The following GRIP1 variants were observed in gnomAD, a reference collection of about 807,000 sequenced individuals.
The protein encoded by GRIP1 is glutamate receptor interacting protein 1.
Under a neutral mutation model 129.9 loss-of-function variants are expected in GRIP1, and 45 were observed. That is an observed-to-expected ratio of 0.35 (90% CI 0.27 to 0.44). The LOEUF is 0.44. Ranked by LOEUF, GRIP1 falls within the 20% of genes least tolerant of loss-of-function variation. GRIP1 has a pLI of 1.00. For synonymous variants in GRIP1, 530 were observed against 520.8 expected (o/e 1.02, Z -0.24); for missense variants, 1,196 against 1,396.8 (o/e 0.86, Z 2.29).
intron 1 of GRIP1, among the ~76,000 whole-genome samples, chr12:67,029,028 T>G (rs2042980838): frequency 6.6e-6 from 1 of 152,066 alleles, no homozygotes; most frequent in South Asian, 2.1e-4. Context: ...TTGATAGAGA[T>G]GAAGCTGAGG....
At chr12:66,746,084 T>TG (rs1321992741) in intron 1 of GRIP1, among the ~76,000 whole-genome samples, 7 of 152,120 alleles carry the variant, frequency 4.6e-5, no homozygotes, top group African/African-American at 1.7e-4. Flanking sequence ...ACAATACAAA[T>TG]TCTGCATTGG....
intron 6 of GRIP1, 139 bp downstream of exon 6, chr12:66,517,761 GA>G: frequency 1.5e-6 from 1 of 684,416 alleles, no homozygotes; most frequent in Non-Finnish European, 2.6e-6. Flanking sequence ...CCATAGTTCA[GA>G]CTCTCAATTT....
intron 1 of GRIP1, among the ~76,000 whole-genome samples, chr12:66,728,627 G>T (rs527436217): frequency 6.6e-6 from 1 of 152,226 alleles, no homozygotes; most frequent in African/African-American, 2.4e-5. Context: ...AAGAAACTGA[G>T]AATTATTTTA....
chr12:66,472,006 G>C (rs1250164737), intron 7 of GRIP1, among the ~76,000 whole-genome samples: 7 of 152,186 alleles, frequency 4.6e-5, no homozygotes, highest in Admixed American at 3.9e-4. Flanking sequence ...ATTCAAGGAA[G>C]TCCCCTGTGA....
At chr12:66,796,961 C>CAT (rs2136891483) in intron 1 of GRIP1, among the ~76,000 whole-genome samples, 1 of 152,284 alleles carries the variant, frequency 6.6e-6, no homozygotes, top group African/African-American at 2.4e-5. Context: ...TCAGTTTCTA[C>CAT]ATATCTATAA....
intron 1 of GRIP1, among the ~76,000 whole-genome samples, chr12:66,700,431 C>CTT (rs57728495): frequency 2.9e-5 from 4 of 138,100 alleles, no homozygotes; most frequent in East Asian, 2.1e-4. Context: ...CCAGTGGCAG[C>CTT]TTTTTTTTTT....
Position 66,737,908 on chromosome 12 carries a change from T to G in GRIP1, c.-420+66145A>C, listed in dbSNP as rs978300921. On this transcript the variant is annotated intron_variant, in intron 1 of 4. Transcript: ENST00000538373. ...AGGTGATTGCCTAATACAGTTGTGA[T>G]CACGCACTGAAAAGAGAAAGGGCAG... Among the ~76,000 whole-genome samples, 4 of 152,138 alleles carry G rather than the reference T, an allele frequency of 2.6e-5. 1 individual carries two copies. Among genetic ancestry groups the G allele is most frequent in the African/African-American group, 9.7e-5 (4 of 41,416 alleles).
chr12:66,482,090 A>C (rs1333879822), intron 7 of GRIP1, among the ~76,000 whole-genome samples: 2 of 152,216 alleles, frequency 1.3e-5, no homozygotes, highest in Admixed American at 6.5e-5. Flanking sequence ...CAGAACTTAA[A>C]GTATAATAAG....
At chr12:67,064,882 C>A (rs1156238499) in intron 1 of GRIP1, 1 of 149,728 alleles carries the variant, frequency 6.7e-6, no homozygotes, top group East Asian at 2.0e-4. Context: ...AGGTATATCT[C>A]CCAATGCTAT....
rs370208530 is a variant in GRIP1, at chr12:66,347,555, A to AAAT, written c.*1461_*1463dup. ...TTCCCCAAAACCATACATAGACGATAAATACCATGCTATTAAAGTATTAAA... is the reference window on the plus strand; with the variant it reads ...TTCCCCAAAACCATACATAGACGATAAATAATACCATGCTATTAAAGTATTAAA... On this transcript the variant is annotated 3_prime_UTR_variant, in exon 25 of 25. Transcript: ENST00000359742. The AAAT allele has an allele frequency of 5.6e-4, 86 of 152,346 alleles. No homozygotes were observed. The highest frequency in any genetic ancestry group is 1.9e-3 in the African/African-American group (81 of 41,582). 9.4% of individuals were successfully genotyped at this position (152,346 alleles called of 1,614,324 possible).
chr12:66,421,139 G>A (rs1377856712), intron 14 of GRIP1, among the ~76,000 whole-genome samples: 1 of 152,310 alleles, frequency 6.6e-6, no homozygotes, highest in South Asian at 2.1e-4. Context: ...GCTCCCCTTA[G>A]TTACCCCTTC....
chr12:67,063,349 C>A (rs2043567393), intron 1 of GRIP1, among the ~76,000 whole-genome samples: 1 of 152,238 alleles, frequency 6.6e-6, no homozygotes, highest in Admixed American at 6.5e-5. Flanking sequence ...AAATCAGGTG[C>A]TTTTAATATG....
At chr12:66,916,768 T>C (rs2041130161) in intron 1 of GRIP1, among the ~76,000 whole-genome samples, 1 of 151,922 alleles carries the variant, frequency 6.6e-6, no homozygotes, top group Admixed American at 6.6e-5. Flanking sequence ...AAGCCTCTAA[T>C]AGGAAAAAAA....
At chr12:66,831,053 T>C (rs2039507921) in intron 1 of GRIP1, among the ~76,000 whole-genome samples, 1 of 152,002 alleles carries the variant, frequency 6.6e-6, no homozygotes, top group Non-Finnish European at 1.5e-5. Context: ...CACTGTTTTC[T>C]ATGTCACGCA....
chr12:66,399,551 C>T (rs1225413168), intron 16 of GRIP1, among the ~76,000 whole-genome samples: 8 of 151,898 alleles, frequency 5.3e-5, no homozygotes, highest in Admixed American at 3.9e-4. Flanking sequence ...AGGTTTACAA[C>T]GATTAGTGAA....
chr12:66,715,580 T>C (rs1033175065), intron 1 of GRIP1, among the ~76,000 whole-genome samples: 1 of 151,580 alleles, frequency 6.6e-6, no homozygotes, highest in Non-Finnish European at 1.5e-5. Context: ...TTGTTGCCCC[T>C]GTACCAAAAG....
chr12:66,533,883 A>T (rs879893397), intron 4 of GRIP1, among the ~76,000 whole-genome samples: 6,108 of 109,260 alleles, frequency 0.056, 223 homozygotes, highest in African/African-American at 0.1. Context: ...ACACACATAC[A>T]CACACTCTCT....
At chr12:66,391,952 T>C (rs2056605025) in intron 19 of GRIP1, among the ~76,000 whole-genome samples, 1 of 152,198 alleles carries the variant, frequency 6.6e-6, no homozygotes, top group Admixed American at 6.5e-5. Context: ...TCCATCTTTG[T>C]GGAAAGCTTG....
chr12:66,556,991 T>C (rs2062358875), intron 2 of GRIP1, among the ~76,000 whole-genome samples: 1 of 151,910 alleles, frequency 6.6e-6, no homozygotes, highest in Non-Finnish European at 1.5e-5. Flanking sequence ...AATAATAACA[T>C]TGAATGTAAA....
Sources: allele counts gnomAD v4.1 joint callset (sites outside exome capture counted in the v4.1 genomes callset), GRCh38; gene constraint gnomAD v4.1.1; transcripts MANE v1.5; gene names NCBI Gene and HGNC (gene_info 2026-07-23, HGNC 2026-07-21).